Variants in NRG1 observed in about 807,000 individuals in gnomAD.
The protein encoded by NRG1 is neuregulin 1.
In NRG1, 18 loss-of-function variants were observed where a neutral mutation model predicts 63.8. The observed-to-expected ratio is 0.28, with a 90% CI of 0.19 to 0.42. The LOEUF is 0.42. Ranked by LOEUF, NRG1 falls within the 10% of genes least tolerant of loss-of-function variation. The pLI, the probability that NRG1 is intolerant of heterozygous loss-of-function variation, is 1.00. For synonymous variants in NRG1, 302 were observed against 301.3 expected (o/e 1.00, Z -0.02); for missense variants, 762 against 814.7 (o/e 0.94, Z 0.79).
At chr8:32,211,888 T>C (rs1391863142) in intron 1 of NRG1, among the ~76,000 whole-genome samples, 2 of 152,186 alleles carry the variant, frequency 1.3e-5, no homozygotes, top group African/African-American at 2.4e-5. Context: ...AAAAATACTG[T>C]TTTCTCCTAG....
intron 1 of NRG1, among the ~76,000 whole-genome samples, chr8:32,444,266 G>A (rs1819953265): frequency 6.6e-6 from 1 of 151,964 alleles, no homozygotes; most frequent in Non-Finnish European, 1.5e-5. Context: ...CTACAGGTGT[G>A]CCCCTCCATG....
At chr8:32,541,446 C>T (rs1022494638) in intron 1 of NRG1, among the ~76,000 whole-genome samples, 6 of 150,820 alleles carry the variant, frequency 4.0e-5, no homozygotes, top group Non-Finnish European at 5.9e-5. Flanking sequence ...AAGTAATTTC[C>T]TATATACTAT....
chr8:32,648,280 C>T (rs199722954), intron 5 of NRG1: 17 of 1,614,102 alleles, frequency 1.1e-5, no homozygotes, highest in East Asian at 2.2e-5. Flanking sequence ...CCGTCCACTG[C>T]GCCATCCTTC....
rs574185777 is a variant in NRG1, at chr8:31,868,126, C to T, written c.37+228695C>T. Reference sequence around the variant, plus strand: ...CAGTTATACTCTACCATCCCAAACACACACACACACACATACATCTTACAC... The same window carrying T: ...CAGTTATACTCTACCATCCCAAACATACACACACACACATACATCTTACAC... On this transcript the variant is annotated intron_variant, in intron 1 of 10. Coordinates refer to the NRG1 transcript ENST00000519301. Among the ~76,000 whole-genome samples the T allele has an allele frequency of 4.1e-5, 6 of 144,984 alleles. No individual in the cohort carries two copies. The South Asian group carries it at 1.3e-3, about 32-fold the overall frequency.
At chr8:31,835,035 T>A (rs1825565971) in intron 1 of NRG1, among the ~76,000 whole-genome samples, 1 of 152,242 alleles carries the variant, frequency 6.6e-6, no homozygotes, top group Non-Finnish European at 1.5e-5. Context: ...CTGCTATTAC[T>A]AGTTAATACT....
intron 1 of NRG1, among the ~76,000 whole-genome samples, chr8:31,788,356 C>T (rs1222754752): frequency 6.6e-6 from 1 of 152,008 alleles, no homozygotes; most frequent in East Asian, 1.9e-4. Flanking sequence ...TTAAAACTTT[C>T]CCCATGGTAT....
intron 1 of NRG1, among the ~76,000 whole-genome samples, chr8:31,748,722 T>G (rs144169695): frequency 7.9e-5 from 12 of 151,956 alleles, no homozygotes; most frequent in African/African-American, 2.9e-4. Context: ...TTTGGCATCT[T>G]TTCACCTTTC....
chr8:32,672,195 C>T (rs1408540923), intron 5 of NRG1, among the ~76,000 whole-genome samples: 6 of 152,034 alleles, frequency 3.9e-5, no homozygotes, highest in African/African-American at 9.7e-5. Flanking sequence ...CAGGCACGTG[C>T]CACCACGCCC....
intron 5 of NRG1, among the ~76,000 whole-genome samples, chr8:32,713,848 G>T (rs376100440): frequency 2.1e-3 from 309 of 147,318 alleles, no homozygotes; most frequent in Middle Eastern, 0.011. Context: ...TTTTTGAGAT[G>T]GAATCTCGCT....
At chr8:32,770,979 A>G (rs1831745384), downstream of NRG1, among the ~76,000 whole-genome samples, 1 of 152,236 alleles carries the variant, frequency 6.6e-6, no homozygotes, top group Admixed American at 6.5e-5. Context: ...CAATGGATCA[A>G]ATAAACTTTA....
intron 1 of NRG1, among the ~76,000 whole-genome samples, chr8:32,227,272 A>C (rs1586217741): frequency 6.6e-6 from 1 of 152,326 alleles, no homozygotes; most frequent in Admixed American, 6.5e-5. Context: ...CACTAGTCAA[A>C]GACTAACACA....
intron 1 of NRG1, among the ~76,000 whole-genome samples, chr8:32,283,877 G>A (rs917225931): frequency 6.6e-6 from 1 of 152,098 alleles, no homozygotes; most frequent in Non-Finnish European, 1.5e-5. Flanking sequence ...TTTCCCATTG[G>A]ATGCTTAGAA....
intron 1 of NRG1, among the ~76,000 whole-genome samples, chr8:32,334,489 A>G (rs1279895831): frequency 6.6e-6 from 1 of 152,206 alleles, no homozygotes; most frequent in Non-Finnish European, 1.5e-5. Flanking sequence ...TGCCATTATT[A>G]CTATAAGGAA....
At chr8:32,192,114 T>C (rs1842549590) in intron 1 of NRG1, 1 of 152,294 alleles carries the variant, frequency 6.6e-6, no homozygotes, top group African/African-American at 2.4e-5. Context: ...CTGCTTAGCT[T>C]CCGAGATCAG....
chr8:32,320,690 G>A (rs1801282954), intron 1 of NRG1, among the ~76,000 whole-genome samples: 1 of 152,024 alleles, frequency 6.6e-6, no homozygotes, highest in East Asian at 1.9e-4. Flanking sequence ...CCAACACTGG[G>A]GATTACAATT....
intron 1 of NRG1, among the ~76,000 whole-genome samples, chr8:32,194,115 C>T (rs951605776): frequency 1.3e-5 from 2 of 152,220 alleles, no homozygotes; most frequent in Admixed American, 6.5e-5. Flanking sequence ...CCTCTCATCT[C>T]CAAGCCTCCG....
intron 1 of NRG1, among the ~76,000 whole-genome samples, chr8:32,080,852 G>A (rs1827367389): frequency 6.6e-6 from 1 of 150,506 alleles, no homozygotes; most frequent in African/African-American, 2.4e-5. Flanking sequence ...TAAGGAATTG[G>A]CTCACAATTA....
chr8:32,227,249 T>C (rs1178708560), intron 1 of NRG1, among the ~76,000 whole-genome samples: 3 of 152,184 alleles, frequency 2.0e-5, no homozygotes, highest in Non-Finnish European at 4.4e-5. Flanking sequence ...TATGCAGAAG[T>C]GCTTAGTTCA....
chr8:32,183,795 C>A (rs1446581273), intron 1 of NRG1, among the ~76,000 whole-genome samples: 1 of 152,176 alleles, frequency 6.6e-6, no homozygotes, highest in Admixed American at 6.5e-5. Flanking sequence ...GTCTCATTAG[C>A]CACTTCAGAT....
Sources: allele counts gnomAD v4.1 joint callset (sites outside exome capture counted in the v4.1 genomes callset), GRCh38; gene constraint gnomAD v4.1.1; transcripts MANE v1.5; gene names NCBI Gene and HGNC (gene_info 2026-07-23, HGNC 2026-07-21).